The following PROM1 variants were observed in gnomAD, a reference collection of about 807,000 sequenced individuals.
PROM1 encodes the protein prominin 1.
A neutral mutation model predicts 116.9 loss-of-function variants in PROM1; 105 were observed. That is an observed-to-expected ratio of 0.90 (90% CI 0.77 to 1.06). The LOEUF (loss-of-function observed/expected upper bound fraction) is 1.06, where lower values mean the gene tolerates loss of function less well. Ranked by LOEUF, PROM1 falls within the 50% of genes least tolerant of loss-of-function variation. PROM1 has a pLI of 0.00. For missense variants in PROM1, 1,122 were observed against 1,045.2 expected (o/e 1.07, Z -1.01); for synonymous variants, 393 against 387.0 (o/e 1.02, Z -0.18).
chr4:15,975,832 C>G (rs996676392), intron 26 of PROM1, among the ~76,000 whole-genome samples: 5 of 152,222 alleles, frequency 3.3e-5, no homozygotes, highest in Non-Finnish European at 4.4e-5. Flanking sequence ...GGAATGAAAA[C>G]AAGTCTCGAT....
chr4:16,001,338 T>G (rs940836580), intron 13 of PROM1, among the ~76,000 whole-genome samples: 3 of 152,170 alleles, frequency 2.0e-5, no homozygotes, highest in African/African-American at 7.2e-5. Flanking sequence ...GGAAAGACTG[T>G]GTAGGAGTCA....
intron 10 of PROM1, 108 bp downstream of exon 10, chr4:16,016,058 C>T (rs1728299856): frequency 9.8e-7 from 1 of 1,018,400 alleles, no homozygotes; most frequent in Non-Finnish European, 1.5e-6. Context: ...TCTTGGCAAC[C>T]TTTCTCTAGA....
intron 17 of PROM1, 22 bp downstream of exon 17, chr4:15,992,226 A>C (rs1721238338): frequency 1.2e-6 from 2 of 1,612,362 alleles, no homozygotes; most frequent in African/African-American, 1.3e-5. Flanking sequence ...TAAAGGATCA[A>C]GCATGAACAC....
chr4:15,983,217 C>G (rs1450175488), intron 23 of PROM1, among the ~76,000 whole-genome samples: 1 of 152,076 alleles, frequency 6.6e-6, no homozygotes, highest in African/African-American at 2.4e-5. Flanking sequence ...AAAAGGCTTC[C>G]TGGAAAAAAG....
intron 1 of PROM1, chr4:16,083,217 C>T (rs1201862336): frequency 6.6e-6 from 1 of 152,234 alleles, no homozygotes; most frequent in Non-Finnish European, 1.5e-5. Flanking sequence ...TTCCCAAGAC[C>T]CTGGCGAGTC....
intron 2 of PROM1, among the ~76,000 whole-genome samples, chr4:16,055,057 T>A (rs1178972937): frequency 6.6e-6 from 1 of 152,236 alleles, no homozygotes; most frequent in Non-Finnish European, 1.5e-5. Context: ...AAGCAGAAGA[T>A]GTTCTCTCTG....
chr4:16,001,216 A>G (rs757536231), intron 13 of PROM1, among the ~76,000 whole-genome samples: 8 of 152,236 alleles, frequency 5.3e-5, no homozygotes, highest in Middle Eastern at 6.8e-3. Context: ...AGCGCTGAAC[A>G]CGAGAGGTAG....
At chr4:15,979,080 G>A (rs1054748331) in intron 26 of PROM1, among the ~76,000 whole-genome samples, 5 of 152,140 alleles carry the variant, frequency 3.3e-5, no homozygotes, top group African/African-American at 7.2e-5. Context: ...AACTACTCAG[G>A]TTATTTGGTG....
At chr4:15,984,960 T>C (rs964508049) in intron 22 of PROM1, among the ~76,000 whole-genome samples, 1 of 152,228 alleles carries the variant, frequency 6.6e-6, no homozygotes, top group Admixed American at 6.5e-5. Context: ...GGCTGGGGAC[T>C]GCTGCTCTAA....
chr4:16,076,144 A>C, intron 1 of PROM1, 26 bp from the exon 2 acceptor site: 2 of 754,656 alleles, frequency 2.7e-6, no homozygotes, highest in Non-Finnish European at 4.0e-6. Flanking sequence ...ACAGCAGCAG[A>C]GTCATCAATG....
At chr4:16,005,004 C>G (rs2149222363) in intron 13 of PROM1, among the ~76,000 whole-genome samples, 2 of 143,320 alleles carry the variant, frequency 1.4e-5, no homozygotes, top group Non-Finnish European at 3.0e-5. Flanking sequence ...CTCTGTCGCC[C>G]AGGTTGGAGT....
At chr4:15,975,872 G>T (rs138818693) in intron 26 of PROM1, among the ~76,000 whole-genome samples, 43 of 152,320 alleles carry the variant, frequency 2.8e-4, no homozygotes, top group African/African-American at 9.6e-4. Flanking sequence ...ATGCTTCAGC[G>T]AAACTCACAT....
intron 23 of PROM1, among the ~76,000 whole-genome samples, chr4:15,981,298 C>T (rs1215592673): frequency 6.8e-6 from 1 of 147,472 alleles, no homozygotes; most frequent in Non-Finnish European, 1.5e-5. Context: ...TAGCCAGGTG[C>T]GGTGGCTCAT....
intron 4 of PROM1, among the ~76,000 whole-genome samples, chr4:16,035,038 A>G (rs1733652163): frequency 1.3e-5 from 2 of 152,186 alleles, no homozygotes; most frequent in Admixed American, 1.3e-4. Context: ...AATATTATCT[A>G]CTTCCATATT....
intron 2 of PROM1, among the ~76,000 whole-genome samples, chr4:16,039,662 C>T (rs1252922074): frequency 1.0e-4 from 15 of 149,728 alleles, no homozygotes; most frequent in Admixed American, 8.1e-4. Flanking sequence ...CACTTGAACC[C>T]GGGAGGTGGA....
At chr4:16,040,575 T>C (rs1734989760) in intron 2 of PROM1, among the ~76,000 whole-genome samples, 1 of 152,262 alleles carries the variant, frequency 6.6e-6, no homozygotes. Flanking sequence ...ATTTGGGATC[T>C]TGATCTAGCA....
rs778033427 is a variant in PROM1, at chr4:16,009,016, A to G, written c.1234T>C (p.Tyr412His). The G allele has an allele frequency of 1.9e-6, 3 of 1,595,706 alleles. No homozygotes were observed. Among genetic ancestry groups the G allele is most frequent in the Admixed American group, 1.7e-5 (1 of 59,920 alleles). Reference sequence around the variant, plus strand: ...ATGTAACTTTCAGTGTTATTAACATAAACAGAGAATGCTGAGAGTATATCC... The same window carrying G: ...ATGTAACTTTCAGTGTTATTAACATGAACAGAGAATGCTGAGAGTATATCC... ...IQDILSAFSV[Y>H]VNNTESYIHR... Residue 412 changes from tyrosine (Y) to histidine (H), a missense_variant, in exon 12 of 28, where the codon TAT (tyrosine) becomes CAT (histidine). Physicochemically the swap from Tyr to His is moderately conservative, Grantham distance 83. Transcript: ENST00000447510.
At position 16,007,198 on chromosome 4, in the gene PROM1, C is replaced by T. The variant is rs117012995; in HGVS notation, c.1302-508G>A. ...TTGTGGTTGCAGAAATATTTGGGGC[C>T]ACTGTGTTCTTTACTGAACCAGATT... On this transcript the variant is annotated intron_variant, in intron 12 of 27. Coordinates refer to ENST00000447510, the MANE Select transcript of PROM1 (RefSeq NM_006017.3). 4.9e-3 allele frequency among the ~76,000 whole-genome samples: 743 copies of T among 152,300 alleles called. 28 individuals are homozygous for T. The East Asian group carries it at 0.11, about 22-fold the overall frequency.
At position 16,013,836 on chromosome 4, in the gene PROM1, G is replaced by A. The variant is rs545637283; in HGVS notation, c.1078-498C>T. On this transcript the variant is annotated intron_variant, in intron 10 of 27. Coordinates refer to ENST00000447510, the MANE Select transcript of PROM1 (RefSeq NM_006017.3). The stretch of plus-strand genomic sequence containing the variant: ...CCATGCACAGTGTCACCAGTGCTGA[G>A]GTTAAGAGACACTGATCGGTACACT... Among the ~76,000 whole-genome samples, 5 of 152,234 alleles carry A rather than the reference G, an allele frequency of 3.3e-5. No homozygotes were observed. In the East Asian group the frequency reaches 9.7e-4, roughly 29 times the overall value.
Sources: allele counts gnomAD v4.1 joint callset (sites outside exome capture counted in the v4.1 genomes callset), GRCh38; gene constraint gnomAD v4.1.1; transcripts MANE v1.5; gene names NCBI Gene and HGNC (gene_info 2026-07-23, HGNC 2026-07-21).